The following TENM2 variants were observed in gnomAD, a reference collection of about 807,000 sequenced individuals.
TENM2 encodes teneurin-2.
Under a neutral mutation model 245.2 loss-of-function variants are expected in TENM2, and 52 were observed. That is an observed-to-expected ratio of 0.21 (90% CI 0.17 to 0.27). The LOEUF is 0.27. Ranked by LOEUF, TENM2 falls within the 10% of genes least tolerant of loss-of-function variation. The probability of loss-of-function intolerance (pLI) is 1.00; values close to 1 mark genes in which losing one functional copy is unlikely to be tolerated. For missense variants in TENM2, 3,046 were observed against 3,666.8 expected (o/e 0.83, Z 4.37); for synonymous variants, 1,363 against 1,438.9 (o/e 0.95, Z 1.19).
chr5:167,276,352 T>TGTGTG, the TENM2 span, among the ~76,000 whole-genome samples: 290 of 34,226 alleles, frequency 8.5e-3, 1 homozygote, highest in Middle Eastern at 0.033. Flanking sequence ...CCTGTTCATT[T>TGTGTG]TGTGTGTGTG....
intron 5 of TENM2, among the ~76,000 whole-genome samples, chr5:168,044,167 GC>G (rs1788420639): frequency 6.6e-6 from 1 of 152,198 alleles, no homozygotes; most frequent in Non-Finnish European, 1.5e-5. Context: ...TGTAATCCCA[GC>G]ACTTTGGGAG....
At chr5:167,831,065 G>A (rs1456985923) in intron 2 of TENM2, among the ~76,000 whole-genome samples, 1 of 151,916 alleles carries the variant, frequency 6.6e-6, no homozygotes, top group East Asian at 1.9e-4. Context: ...TCTCTCTATG[G>A]GAAGTACAGC....
chr5:168,045,918 G>A, intron 5 of TENM2, among the ~76,000 whole-genome samples: 1 of 152,134 alleles, frequency 6.6e-6, no homozygotes, highest in East Asian at 1.9e-4. Context: ...ACAAACTGCA[G>A]GAGAAAATTA....
At chr5:167,121,533 C>G in the TENM2 span, among the ~76,000 whole-genome samples, 1 of 152,178 alleles carries the variant, frequency 6.6e-6, no homozygotes, top group Admixed American at 6.5e-5. Flanking sequence ...GTGAGAGAAA[C>G]AGTAGTACCT....
chr5:168,242,727 T>C (rs1181331480), intron 25 of TENM2, among the ~76,000 whole-genome samples: 1 of 152,040 alleles, frequency 6.6e-6, no homozygotes, highest in Non-Finnish European at 1.5e-5. Flanking sequence ...ACAAGGTGGG[T>C]GGATCACCTG....
At chr5:167,094,541 A>T in the TENM2 span, among the ~76,000 whole-genome samples, 1 of 152,220 alleles carries the variant, frequency 6.6e-6, no homozygotes, top group Non-Finnish European at 1.5e-5. Flanking sequence ...ACAGGCAGCT[A>T]GGTCACTACT....
intron 2 of TENM2, among the ~76,000 whole-genome samples, chr5:167,576,261 T>C (rs932361621): frequency 6.6e-6 from 1 of 152,084 alleles, no homozygotes; most frequent in Non-Finnish European, 1.5e-5. Flanking sequence ...TTACTCAAAC[T>C]ATTTGATTCA....
chr5:167,232,289 A>G, the TENM2 span, among the ~76,000 whole-genome samples: 1 of 152,102 alleles, frequency 6.6e-6, no homozygotes, highest in African/African-American at 2.4e-5. Context: ...AACAGCTTGC[A>G]CTGTGCACCT....
chr5:167,240,459 T>G, the TENM2 span, among the ~76,000 whole-genome samples: 1 of 152,078 alleles, frequency 6.6e-6, no homozygotes, highest in East Asian at 1.9e-4. Flanking sequence ...GTGTATCAGT[T>G]AAGTTAAAAA....
the TENM2 span, among the ~76,000 whole-genome samples, chr5:167,088,313 A>G: frequency 6.6e-6 from 1 of 152,150 alleles, no homozygotes; most frequent in African/African-American, 2.4e-5. Context: ...AGAACATACA[A>G]TGTCTCCAAT....
intron 2 of TENM2, among the ~76,000 whole-genome samples, chr5:167,858,973 C>A (rs1270443814): frequency 6.9e-6 from 1 of 144,296 alleles, no homozygotes; most frequent in African/African-American, 2.6e-5. Context: ...GGCCGCCCAT[C>A]GTCTGGGATG....
intron 3 of TENM2, among the ~76,000 whole-genome samples, chr5:167,947,549 A>T (rs1254635137): frequency 6.6e-6 from 1 of 152,190 alleles, no homozygotes; most frequent in Non-Finnish European, 1.5e-5. Flanking sequence ...CTAACCAGAC[A>T]CTGTTATTCT....
chr5:167,937,556 G>A (rs1005725379), intron 3 of TENM2, among the ~76,000 whole-genome samples: 9 of 152,048 alleles, frequency 5.9e-5, no homozygotes, highest in South Asian at 2.1e-4. Context: ...TATTTCTAGC[G>A]TGATACTGTA....
At chr5:167,354,648 C>CA (rs796431961) in intron 1 of TENM2, among the ~76,000 whole-genome samples, 24 of 152,116 alleles carry the variant, frequency 1.6e-4, no homozygotes, top group African/African-American at 5.8e-4. Flanking sequence ...CCTTTGAAGT[C>CA]AAAAAAGAGA....
chr5:168,053,511 C>A (rs372123161), intron 6 of TENM2, among the ~76,000 whole-genome samples: 2 of 152,050 alleles, frequency 1.3e-5, no homozygotes, highest in Admixed American at 1.3e-4. Context: ...TTCATACCCA[C>A]GGGTATCCAC....
chr5:167,700,631 A>T (rs1287298281), intron 2 of TENM2, among the ~76,000 whole-genome samples: 1 of 152,106 alleles, frequency 6.6e-6, no homozygotes, highest in African/African-American at 2.4e-5. Context: ...GCCCCTGTAA[A>T]CATCCTCTCT....
At chr5:167,927,807 C>T (rs929465074) in intron 3 of TENM2, among the ~76,000 whole-genome samples, 12 of 152,250 alleles carry the variant, frequency 7.9e-5, no homozygotes, top group East Asian at 1.9e-4. Flanking sequence ...GGTCGCAGGA[C>T]GCCACCCTTG....
intron 2 of TENM2, among the ~76,000 whole-genome samples, chr5:167,760,031 G>A (rs1254724737): frequency 6.6e-6 from 1 of 152,212 alleles, no homozygotes; most frequent in Admixed American, 6.5e-5. Flanking sequence ...AGCGGTGGCT[G>A]TACTTAAGCT....
intron 13 of TENM2, among the ~76,000 whole-genome samples, chr5:168,174,472 G>A (rs571363260): frequency 1.3e-5 from 2 of 152,166 alleles, no homozygotes; most frequent in Non-Finnish European, 2.9e-5. Context: ...CATCTTATAC[G>A]TCAGTGAGCA....
Sources: allele counts gnomAD v4.1 joint callset (sites outside exome capture counted in the v4.1 genomes callset), GRCh38; gene constraint gnomAD v4.1.1; transcripts MANE v1.5; gene names NCBI Gene and HGNC (gene_info 2026-07-23, HGNC 2026-07-21).